Variants in NALF1 observed in about 807,000 individuals in gnomAD.
NALF1 encodes the protein family with sequence similarity 155 member A.
A neutral mutation model predicts 48.4 loss-of-function variants in NALF1; 3 were observed. That is an observed-to-expected ratio of 0.06 (90% CI 0.03 to 0.16). NALF1 has a LOEUF of 0.16. NALF1 is among the 10% of genes least tolerant of loss of function. The pLI is 1.00. For missense variants in NALF1, 526 were observed against 571.5 expected (o/e 0.92, Z 0.81); for synonymous variants, 262 against 245.7 (o/e 1.07, Z -0.62).
chr13:107,207,981 G>A (rs1394467572), intron 2 of NALF1, among the ~76,000 whole-genome samples: 3 of 152,170 alleles, frequency 2.0e-5, no homozygotes, highest in Admixed American at 1.3e-4. Flanking sequence ...AGGGACACCT[G>A]TAACCGATGA....
intron 1 of NALF1, among the ~76,000 whole-genome samples, chr13:107,387,315 G>A (rs2138979619): frequency 6.6e-6 from 1 of 152,246 alleles, no homozygotes; most frequent in South Asian, 2.1e-4. Context: ...GATAACATCT[G>A]ACACAGAGCT....
chr13:107,257,760 C>T (rs1880848180), intron 1 of NALF1, among the ~76,000 whole-genome samples: 1 of 152,030 alleles, frequency 6.6e-6, no homozygotes. Flanking sequence ...CTTTGGAGGA[C>T]TGTAGGGACT....
At chr13:107,292,163 A>C (rs951086750) in intron 1 of NALF1, among the ~76,000 whole-genome samples, 6 of 152,222 alleles carry the variant, frequency 3.9e-5, no homozygotes, top group Non-Finnish European at 7.3e-5. Context: ...TGAATACTAC[A>C]GGCAAATGCA....
chr13:107,626,098 G>C (rs559776853), intron 1 of NALF1, among the ~76,000 whole-genome samples: 2 of 152,106 alleles, frequency 1.3e-5, no homozygotes, highest in African/African-American at 4.8e-5. Flanking sequence ...ATGGTTAATA[G>C]ATTTCATTAA....
chr13:107,619,546 T>C (rs188054733), intron 1 of NALF1, among the ~76,000 whole-genome samples: 102 of 152,330 alleles, frequency 6.7e-4, no homozygotes, highest in Middle Eastern at 3.4e-3. Flanking sequence ...AAACGAATTT[T>C]AACACGTTGC....
chr13:107,583,988 G>A (rs1878382982), intron 1 of NALF1, among the ~76,000 whole-genome samples: 1 of 152,026 alleles, frequency 6.6e-6, no homozygotes, highest in Non-Finnish European at 1.5e-5. Flanking sequence ...TCTTTCATAA[G>A]GGAGTATATA....
At chr13:107,349,160 T>C (rs1205173185) in intron 1 of NALF1, among the ~76,000 whole-genome samples, 2 of 152,232 alleles carry the variant, frequency 1.3e-5, no homozygotes, top group African/African-American at 4.8e-5. Context: ...GATTCTATCT[T>C]ACATTTTCTA....
intron 1 of NALF1, among the ~76,000 whole-genome samples, chr13:107,689,328 G>A (rs970884120): frequency 6.6e-6 from 1 of 152,058 alleles, no homozygotes; most frequent in East Asian, 1.9e-4. Flanking sequence ...TACTGACTAC[G>A]TTTTATGACA....
intron 1 of NALF1, among the ~76,000 whole-genome samples, chr13:107,828,775 T>C (rs1879612235): frequency 6.6e-6 from 1 of 152,176 alleles, no homozygotes; most frequent in South Asian, 2.1e-4. Flanking sequence ...TTTGTTCACC[T>C]TCTCAAAACC....
intron 1 of NALF1, among the ~76,000 whole-genome samples, chr13:107,727,805 T>A (rs763572667): frequency 1.3e-5 from 2 of 152,062 alleles, no homozygotes; most frequent in Admixed American, 1.3e-4. Flanking sequence ...ATATCCAGAA[T>A]CTATGAGGAA....
rs1878612204 is a variant in NALF1, at chr13:107,164,109, C to T, written c.*6388G>A. On this transcript the variant is annotated 3_prime_UTR_variant, in exon 3 of 3. Transcript: ENST00000375915. ...CTTGAAGCAGCAGTGCTGCGGTGAG[C>T]TGGGAGTTTTAGGGGAAATAGTCAC... The T allele has an allele frequency of 6.6e-6, 1 of 152,150 alleles. No homozygotes were observed. The highest frequency in any genetic ancestry group is 1.5e-5 in the Non-Finnish European group (1 of 68,030). 9.4% of individuals were successfully genotyped at this position (152,150 alleles called of 1,614,324 possible).
chr13:107,674,774 G>T (rs1490497987), intron 1 of NALF1, among the ~76,000 whole-genome samples: 1 of 152,180 alleles, frequency 6.6e-6, no homozygotes, highest in African/African-American at 2.4e-5. Flanking sequence ...GCATAGAAGA[G>T]GAAGGGTTTC....
intron 1 of NALF1, among the ~76,000 whole-genome samples, chr13:107,339,510 G>GAT (rs1413110854): frequency 6.6e-6 from 1 of 151,806 alleles, no homozygotes; most frequent in Non-Finnish European, 1.5e-5. Flanking sequence ...GAGGGATAGT[G>GAT]ATGCTGCTAG....
At chr13:107,621,842 A>G (rs936497096) in intron 1 of NALF1, among the ~76,000 whole-genome samples, 5 of 152,112 alleles carry the variant, frequency 3.3e-5, no homozygotes, top group African/African-American at 4.8e-5. Flanking sequence ...TGTCTGATGC[A>G]AGCTTAAGTC....
At chr13:107,382,952 C>G (rs540134018) in intron 1 of NALF1, among the ~76,000 whole-genome samples, 2 of 152,292 alleles carry the variant, frequency 1.3e-5, no homozygotes, top group South Asian at 4.1e-4. Context: ...TGCAAGATAT[C>G]CAGAGACAGC....
At chr13:107,304,557 C>T (rs1055422293) in intron 1 of NALF1, among the ~76,000 whole-genome samples, 7 of 152,130 alleles carry the variant, frequency 4.6e-5, no homozygotes, top group African/African-American at 1.4e-4. Flanking sequence ...TAATGACATC[C>T]ACCATAAATG....
chr13:107,650,158 GAT>G (rs1278189172), intron 1 of NALF1, among the ~76,000 whole-genome samples: 1 of 152,014 alleles, frequency 6.6e-6, no homozygotes, highest in Non-Finnish European at 1.5e-5. Context: ...TGTCATTAAT[GAT>G]ATAGTTTCGA....
chr13:107,178,653 C>G (rs889750503), intron 2 of NALF1, among the ~76,000 whole-genome samples: 3 of 152,086 alleles, frequency 2.0e-5, no homozygotes, highest in Non-Finnish European at 4.4e-5. Flanking sequence ...CCTCAGAAAA[C>G]TAAAAATAGG....
At chr13:107,509,861 A>T (rs1206923458) in intron 1 of NALF1, among the ~76,000 whole-genome samples, 3 of 152,082 alleles carry the variant, frequency 2.0e-5, no homozygotes, top group Admixed American at 1.3e-4. Flanking sequence ...GCTTGAGTGC[A>T]GTGGTGCAAT....
Sources: allele counts gnomAD v4.1 joint callset (sites outside exome capture counted in the v4.1 genomes callset), GRCh38; gene constraint gnomAD v4.1.1; transcripts MANE v1.5; gene names NCBI Gene and HGNC (gene_info 2026-07-23, HGNC 2026-07-21).